The following STK38L variants were observed in gnomAD, a reference collection of about 807,000 sequenced individuals.
STK38L encodes serine/threonine kinase 38 like.
In STK38L, 28 loss-of-function variants were observed where a neutral mutation model predicts 59.7. The ratio of observed to expected loss-of-function variants is 0.47; its 90% CI spans 0.35 to 0.64. The LOEUF (loss-of-function observed/expected upper bound fraction) is 0.64. Ranked by LOEUF, STK38L falls within the 30% of genes least tolerant of loss-of-function variation. The pLI is 0.01. For missense variants in STK38L, 314 were observed against 555.8 expected (o/e 0.56, Z 4.37); for synonymous variants, 162 against 176.8 (o/e 0.92, Z 0.66).
intron 1 of STK38L, among the ~76,000 whole-genome samples, chr12:27,294,318 G>A (rs1943960831): frequency 6.6e-6 from 1 of 151,880 alleles, no homozygotes. Flanking sequence ...TCAGGAGTTC[G>A]AGACCAGCCT....
At chr12:27,292,362 T>C (rs1268382211) in intron 1 of STK38L, among the ~76,000 whole-genome samples, 1 of 152,198 alleles carries the variant, frequency 6.6e-6, no homozygotes, top group East Asian at 1.9e-4. Context: ...GCTAATCTTG[T>C]TTTTAAAGCT....
intron 3 of STK38L, among the ~76,000 whole-genome samples, chr12:27,306,083 A>G (rs1302379299): frequency 4.6e-5 from 7 of 152,190 alleles, no homozygotes; most frequent in Non-Finnish European, 1.0e-4. Flanking sequence ...TAACAATGTT[A>G]TAGGTGATGC....
rs758748670 is a variant in STK38L at position 27,318,028 on chromosome 12, TTAA to T, written c.1079+10_1079+12del. The T allele has an allele frequency of 3.7e-5, 59 of 1,613,324 alleles. No homozygotes were observed. The highest frequency in any genetic ancestry group is 3.9e-5 in the Non-Finnish European group (46 of 1,179,794). On this transcript the variant is annotated intron_variant, in intron 11 of 13. Transcript: ENST00000389032. ...AAGGACTTAATTCTCAGGTTAGTGG[TTAA>T]ATTCCTAGAGGAGTTCATAGTGTCT...
At chr12:27,320,442 ATTTTTT>A (rs34281958) in intron 12 of STK38L, among the ~76,000 whole-genome samples, 32 of 91,896 alleles carry the variant, frequency 3.5e-4, no homozygotes, top group Non-Finnish European at 5.5e-4. Flanking sequence ...AATTTTGTTG[ATTTTTT>A]TTTTTTTTTT....
intron 9 of STK38L, among the ~76,000 whole-genome samples, chr12:27,316,885 C>T (rs1293945436): frequency 6.6e-6 from 1 of 152,172 alleles, no homozygotes; most frequent in Admixed American, 6.5e-5. Context: ...GAAGCTGAGC[C>T]TCAGAGAAAT....
At chr12:27,311,732 C>A (rs920631143) in intron 5 of STK38L, among the ~76,000 whole-genome samples, 1 of 147,530 alleles carries the variant, frequency 6.8e-6, no homozygotes, top group Non-Finnish European at 1.5e-5. Context: ...TATATTATAA[C>A]AATAATATAA....
At chr12:27,245,092 T>G (rs1360748757) in intron 1 of STK38L, among the ~76,000 whole-genome samples, 4 of 152,160 alleles carry the variant, frequency 2.6e-5, no homozygotes, top group African/African-American at 9.7e-5. Context: ...TGGCCTCCCC[T>G]TTTACTGGTG....
chr12:27,271,785 C>T (rs554561305), intron 1 of STK38L, among the ~76,000 whole-genome samples: 4 of 152,230 alleles, frequency 2.6e-5, no homozygotes, highest in African/African-American at 7.2e-5. Flanking sequence ...CTGCATCTTC[C>T]GCCTCATGAG....
intron 1 of STK38L, among the ~76,000 whole-genome samples, chr12:27,253,515 T>TA: frequency 6.6e-6 from 1 of 152,166 alleles, no homozygotes; most frequent in Non-Finnish European, 1.5e-5. Flanking sequence ...TGCCAGGAGA[T>TA]ATGGAAAGGG....
At chr12:27,249,730 A>G (rs951847526) in intron 1 of STK38L, among the ~76,000 whole-genome samples, 3 of 152,196 alleles carry the variant, frequency 2.0e-5, no homozygotes, top group African/African-American at 7.2e-5. Context: ...TTCTCTGGCC[A>G]TTTATACAGA....
chr12:27,294,888 A>AG (rs1467258358), intron 1 of STK38L, among the ~76,000 whole-genome samples: 3 of 151,802 alleles, frequency 2.0e-5, no homozygotes, highest in Non-Finnish European at 4.4e-5. Context: ...GTAAAAAAAA[A>AG]AAAAAAATTG....
chr12:27,284,317 T>C (rs1019688551), intron 1 of STK38L, among the ~76,000 whole-genome samples: 2 of 152,230 alleles, frequency 1.3e-5, no homozygotes, highest in African/African-American at 2.4e-5. Flanking sequence ...TTAGGTGACA[T>C]GGACTAATCC....
intron 1 of STK38L, among the ~76,000 whole-genome samples, chr12:27,247,531 G>A (rs148126838): frequency 5.1e-4 from 78 of 152,302 alleles, no homozygotes; most frequent in African/African-American, 1.9e-3. Context: ...TATTCTTGGT[G>A]CAGATTAAAT....
At chr12:27,274,773 A>C (rs77109625) in intron 1 of STK38L, among the ~76,000 whole-genome samples, 2 of 152,238 alleles carry the variant, frequency 1.3e-5, no homozygotes, top group African/African-American at 4.8e-5. Flanking sequence ...TGAAGAAGGA[A>C]CTTGTTACCT....
At chr12:27,278,785 A>G (rs1943590921) in intron 1 of STK38L, among the ~76,000 whole-genome samples, 1 of 152,234 alleles carries the variant, frequency 6.6e-6, no homozygotes, top group Non-Finnish European at 1.5e-5. Context: ...AGCTGACAGA[A>G]ATACCTTGGC....
intron 1 of STK38L, among the ~76,000 whole-genome samples, chr12:27,294,288 G>A (rs1239687370): frequency 1.3e-5 from 2 of 151,896 alleles, no homozygotes; most frequent in Admixed American, 6.6e-5. Context: ...GGGAGGCCAA[G>A]GCAGGCAGAT....
chr12:27,319,388 T>A lies in STK38L; in HGVS notation c.1140T>A (p.His380Gln). The A allele has an allele frequency of 6.2e-7, 1 of 1,613,560 alleles. No homozygotes were observed. Among genetic ancestry groups the A allele is most frequent in the Non-Finnish European group, 8.5e-7 (1 of 1,179,652 alleles). The change falls in exon 12 of 14, where the codon CAT (histidine) becomes CAA (glutamine). Residue 380 changes from histidine (H) to glutamine (Q), a missense_variant. This residue lies in a region of STK38L where 94 missense variants were observed against 142.2 expected (regional missense o/e 0.66). Coordinates refer to ENST00000389032, the MANE Select transcript of STK38L (RefSeq NM_015000.4). ...GTGGAGTAGAAGAAATAAAAGGTCA[T>A]CCCTTTTTTGAAGGTGTCGACTGGG... ...GNSGVEEIKG[H>Q]PFFEGVDWEH...
intron 1 of STK38L, among the ~76,000 whole-genome samples, chr12:27,269,063 G>C (rs539714812): frequency 6.6e-6 from 1 of 152,158 alleles, no homozygotes; most frequent in Admixed American, 6.5e-5. Flanking sequence ...TTCCCATTCT[G>C]TAGGTTGCCT....
chr12:27,301,363 A>G (rs1160332529), intron 2 of STK38L, among the ~76,000 whole-genome samples: 1 of 152,114 alleles, frequency 6.6e-6, no homozygotes, highest in Non-Finnish European at 1.5e-5. Flanking sequence ...GGTTCAAGCA[A>G]TTCTCCTGCC....
Sources: allele counts gnomAD v4.1 joint callset (sites outside exome capture counted in the v4.1 genomes callset), GRCh38; gene constraint gnomAD v4.1.1; regional missense constraint gnomAD v4.1.1; transcripts MANE v1.5; gene names NCBI Gene and HGNC (gene_info 2026-07-23, HGNC 2026-07-21).